The following EAF2 variants were observed in gnomAD, a reference collection of about 807,000 sequenced individuals.
EAF2 encodes ELL associated factor 2.
Under a neutral mutation model 29.4 loss-of-function variants are expected in EAF2, and 29 were observed. The observed-to-expected ratio is 0.99, with a 90% CI of 0.73 to 1.35. EAF2 has a LOEUF of 1.35. Among genes scored for constraint, EAF2 ranks in the 40% most tolerant of loss-of-function variants. The probability of loss-of-function intolerance (pLI) is 0.00; values close to 1 mark genes in which losing one functional copy is unlikely to be tolerated. For synonymous variants in EAF2, 103 were observed against 102.5 expected, an observed-to-expected ratio of 1.00 and a Z score of -0.03; for missense variants, 292 against 312.0, an observed-to-expected ratio of 0.94 and a Z score of 0.48.
chr3:121,854,785 A>G lies in EAF2; in HGVS notation c.300A>G (p.Leu100=), dbSNP rs905934195. The G allele has an allele frequency of 3.2e-6, 5 of 1,574,484 alleles. No homozygotes were observed. The East Asian group carries it at 1.2e-4, about 37-fold the overall frequency. The change falls in exon 3 of 6, where the codon CTA becomes CTG. Residue 100 remains leucine, a synonymous_variant. Transcript: ENST00000273668. ...IINHDTGECR[L]EKLSSNITVK... ...ACCATGATACTGGAGAATGTCGGCTAGAAAAACTCAGCAGCAACATCACTG... is the reference window on the plus strand; with the variant it reads ...ACCATGATACTGGAGAATGTCGGCTGGAAAAACTCAGCAGCAACATCACTG...
At chr3:121,844,198 A>G (rs941390622) in intron 1 of EAF2, among the ~76,000 whole-genome samples, 1 of 152,122 alleles carries the variant, frequency 6.6e-6, no homozygotes, top group African/African-American at 2.4e-5. Flanking sequence ...CATCTTGTCT[A>G]AACAGGATTC....
intron 1 of EAF2, 85 bp downstream of exon 1, chr3:121,835,476 C>A: frequency 8.1e-7 from 1 of 1,231,608 alleles, no homozygotes; most frequent in Non-Finnish European, 1.2e-6. Context: ...TTTGTTCCCA[C>A]AGTACCCCTT....
intron 4 of EAF2, among the ~76,000 whole-genome samples, chr3:121,863,477 G>A (rs569210784): frequency 2.0e-5 from 3 of 152,292 alleles, no homozygotes; most frequent in African/African-American, 7.2e-5. Flanking sequence ...ATGAGGCTCC[G>A]TGGGCATGGG....
intron 5 of EAF2, among the ~76,000 whole-genome samples, chr3:121,884,173 A>C (rs1709237823): frequency 6.6e-6 from 1 of 151,768 alleles, no homozygotes; most frequent in African/African-American, 2.4e-5. Flanking sequence ...CCCTGACTCT[A>C]CTAAAAATAC....
intron 4 of EAF2, among the ~76,000 whole-genome samples, chr3:121,859,563 A>G (rs988934965): frequency 4.6e-5 from 7 of 152,060 alleles, no homozygotes; most frequent in African/African-American, 1.4e-4. Flanking sequence ...GCTTAAGGAG[A>G]TTTGGGGCTG....
intron 2 of EAF2, among the ~76,000 whole-genome samples, chr3:121,846,899 T>C (rs1316243299): frequency 6.6e-6 from 1 of 152,164 alleles, no homozygotes; most frequent in Non-Finnish European, 1.5e-5. Flanking sequence ...TTGGTTATGG[T>C]CTCAATTGAA....
intron 5 of EAF2, among the ~76,000 whole-genome samples, chr3:121,883,781 G>A (rs1472204561): frequency 6.6e-6 from 1 of 152,142 alleles, no homozygotes; most frequent in Non-Finnish European, 1.5e-5. Context: ...ATTTCTATGG[G>A]TAAACTCTCT....
chr3:121,854,635 A>G, intron 2 of EAF2, 52 bp from the exon 3 acceptor site: 1 of 1,409,312 alleles, frequency 7.1e-7, no homozygotes, highest in East Asian at 2.8e-5. Context: ...AGGCCTTCCC[A>G]AGTGAATTCC....
chr3:121,850,773 T>A (rs111740399), intron 2 of EAF2, among the ~76,000 whole-genome samples: 5,482 of 152,262 alleles, frequency 0.036, 340 homozygotes, highest in African/African-American at 0.13. Flanking sequence ...CTTGGCTCAC[T>A]GCAACCTGCA....
chr3:121,848,623 G>A (rs1199764272), intron 2 of EAF2, among the ~76,000 whole-genome samples: 1 of 151,828 alleles, frequency 6.6e-6, no homozygotes, highest in Non-Finnish European at 1.5e-5. Context: ...GTGTATTCTT[G>A]GTTATCAAAA....
At chr3:121,836,844 T>G (rs2107486900) in intron 1 of EAF2, 1 of 951,024 alleles carries the variant, frequency 1.1e-6, no homozygotes, top group African/African-American at 1.8e-5. Context: ...GGCTTAAGAT[T>G]ATAAAAATTT....
At chr3:121,886,005 C>G (rs1434395561) in intron 5 of EAF2, among the ~76,000 whole-genome samples, 4 of 151,864 alleles carry the variant, frequency 2.6e-5, no homozygotes, top group African/African-American at 9.7e-5. Flanking sequence ...ATTTTTTTCA[C>G]TCTTCAAAGT....
chr3:121,856,267 C>A (rs1708714825), intron 3 of EAF2, among the ~76,000 whole-genome samples: 1 of 149,878 alleles, frequency 6.7e-6, no homozygotes, highest in African/African-American at 2.5e-5. Flanking sequence ...TTATATTTTT[C>A]CTTTTATTTT....
At chr3:121,860,263 A>G (rs1330168247) in intron 4 of EAF2, among the ~76,000 whole-genome samples, 1 of 151,942 alleles carries the variant, frequency 6.6e-6, no homozygotes, top group African/African-American at 2.4e-5. Flanking sequence ...CCCTCTTTCT[A>G]CCTCTGGTAG....
chr3:121,880,465 T>G (rs1032494173), intron 5 of EAF2, among the ~76,000 whole-genome samples: 2 of 147,204 alleles, frequency 1.4e-5, no homozygotes, highest in African/African-American at 2.7e-5. Flanking sequence ...GGTGTGTGTG[T>G]GTGTGTGTGT....
intron 4 of EAF2, among the ~76,000 whole-genome samples, chr3:121,858,511 G>T (rs1291332340): frequency 6.6e-6 from 1 of 152,202 alleles, no homozygotes; most frequent in South Asian, 2.1e-4. Flanking sequence ...CTTTTTGATG[G>T]AGTCGTTTGT....
intron 1 of EAF2, among the ~76,000 whole-genome samples, chr3:121,844,230 A>T (rs1488025439): frequency 2.6e-5 from 4 of 152,162 alleles, no homozygotes; most frequent in African/African-American, 9.6e-5. Context: ...GAGTGTCAGT[A>T]ATTCTGTTTT....
At chr3:121,885,637 C>T (rs1463108963) in intron 5 of EAF2, among the ~76,000 whole-genome samples, 1 of 152,124 alleles carries the variant, frequency 6.6e-6, no homozygotes, top group Non-Finnish European at 1.5e-5. Flanking sequence ...GGCATTTGCA[C>T]TTCTGTTCTT....
At chr3:121,869,516 C>T (rs1213713984) in intron 4 of EAF2, among the ~76,000 whole-genome samples, 1 of 152,046 alleles carries the variant, frequency 6.6e-6, no homozygotes, top group Non-Finnish European at 1.5e-5. Context: ...ATGTAAAGTA[C>T]AACTTCTATC....
Sources: allele counts gnomAD v4.1 joint callset (sites outside exome capture counted in the v4.1 genomes callset), GRCh38; gene constraint gnomAD v4.1.1; transcripts MANE v1.5; gene names NCBI Gene and HGNC (gene_info 2026-07-23, HGNC 2026-07-21).